Variants in PCDHGA4 observed in about 807,000 individuals in gnomAD.
PCDHGA4 encodes the protein protocadherin gamma subfamily A, 4.
Under a neutral mutation model 54.6 loss-of-function variants are expected in PCDHGA4, and 38 were observed. The observed-to-expected ratio is 0.70, with a 90% CI of 0.54 to 0.91. The LOEUF (loss-of-function observed/expected upper bound fraction) is 0.91, where lower values mean the gene tolerates loss of function less well. Among genes scored for constraint, PCDHGA4 ranks in the 40% least tolerant of loss-of-function variants. The pLI, the probability that PCDHGA4 is intolerant of heterozygous loss-of-function variation, is 0.00. For missense variants in PCDHGA4, 1,298 were observed against 1,220.9 expected, an observed-to-expected ratio of 1.06 and a Z score of -0.94; for synonymous variants, 511 against 512.9, an observed-to-expected ratio of 1.00 and a Z score of 0.05.
At chr5:141,394,532 T>A (rs1259695027) in intron 1 of PCDHGA4, 3 of 1,614,070 alleles carry the variant, frequency 1.9e-6, no homozygotes, top group African/African-American at 2.7e-5. Flanking sequence ...ACGGTTCCAC[T>A]GGCGTGGAGC....
chr5:141,385,984 T>C (rs75507773), intron 1 of PCDHGA4: 11 of 152,336 alleles, frequency 7.2e-5, no homozygotes, highest in African/African-American at 1.7e-4. Context: ...CAATAAAATA[T>C]GTCAAATAAA....
At chr5:141,386,520 G>A (rs976508801) in intron 1 of PCDHGA4, among the ~76,000 whole-genome samples, 1 of 144 alleles carries the variant, frequency 6.9e-3, no homozygotes, top group South Asian at 0.5. Context: ...TTCAAAAAAA[G>A]ACTCTTTTTA....
At chr5:141,416,761 C>G (rs1371541017) in intron 1 of PCDHGA4, 2 of 152,140 alleles carry the variant, frequency 1.3e-5, no homozygotes, top group Non-Finnish European at 2.9e-5. Context: ...AGGTAGATCT[C>G]TTAATTTTAT....
At chr5:141,415,740 G>GTTTTTTTTTTTTTTTTTTGTTTTTTTTT in intron 1 of PCDHGA4, 1 of 617,992 alleles carries the variant, frequency 1.6e-6, no homozygotes, top group Non-Finnish European at 2.1e-6. Flanking sequence ...GTTTATTAAG[G>GTTTTTTTTTTTTTTTTTTGTTTTTTTTT]TTTTTTTTTT....
chr5:141,435,254 G>C (rs1220755047), intron 1 of PCDHGA4, among the ~76,000 whole-genome samples: 1 of 152,018 alleles, frequency 6.6e-6, no homozygotes, highest in African/African-American at 2.4e-5. Flanking sequence ...GGCCATTAGG[G>C]ATATGTCCAT....
chr5:141,404,564 G>A, intron 1 of PCDHGA4: 1 of 1,613,890 alleles, frequency 6.2e-7, no homozygotes. Flanking sequence ...AAGTGACAGT[G>A]GAAGCCCACC....
rs373212603 is a variant in PCDHGA4 at position 141,355,640 on chromosome 5, A to C, written c.533A>C (p.Asn178Thr). The change falls in exon 1 of 4, where the codon AAT becomes ACT. Residue 178 changes from asparagine (N) to threonine (T), a missense_variant. Transcript: ENST00000571252. ...GAAATAAAAGTTGCTGAAAATGAAA[A>C]TCCTGGGGCAAGATTTCCTCTTCCT... is the stretch of plus-strand genomic sequence containing the variant. ...QREIKVAENE[N>T]PGARFPLPEA... 24 of 1,613,870 alleles carry C rather than the reference A, an allele frequency of 1.5e-5. No homozygotes were observed. The highest frequency in any genetic ancestry group is 2.0e-5 in the Non-Finnish European group (24 of 1,179,896).
intron 1 of PCDHGA4, chr5:141,370,538 G>C: frequency 6.2e-7 from 1 of 1,613,906 alleles, no homozygotes; most frequent in Non-Finnish European, 8.5e-7. Flanking sequence ...CGCTGGTAGG[G>C]AACCTCGCCA....
rs554670088 is a variant in PCDHGA4 at position 141,391,069 on chromosome 5, T to C, written c.2514+33448T>C. The C allele has an allele frequency of 4.1e-4, 63 of 152,324 alleles. 1 individual carries two copies. Among genetic ancestry groups the C allele is most frequent in the African/African-American group, 1.4e-3 (59 of 41,576 alleles). The allele number at this position is 152,324 out of a possible 1,614,324, so 9.4% of individuals were successfully genotyped here. A position where few individuals can be genotyped will look rare whatever the true frequency, so the allele number is the denominator to read the frequency against. ...GTCCCTCTCACACACAGCCCTAATA[T>C]ATAATGTGTAACTGCCTTATCTGCA... On this transcript the variant is annotated intron_variant, in intron 1 of 3. Transcript: ENST00000571252.
intron 1 of PCDHGA4, chr5:141,408,023 A>G (rs2095028170): frequency 1.9e-6 from 2 of 1,054,662 alleles, no homozygotes; most frequent in Middle Eastern, 3.2e-4. Context: ...CCAACAACAG[A>G]AAGAAGAAAA....
At position 141,362,565 on chromosome 5, in the gene PCDHGA4, T is replaced by C. The variant is rs757616440; in HGVS notation, c.2514+4944T>C. The stretch of plus-strand genomic sequence containing the variant: ...CAGATACTATTTTGAAGGTGAGCTT[T>C]AATTAATTTATTTTCACTTCTGGTT... On this transcript the variant is annotated intron_variant, in intron 1 of 3. Transcript: ENST00000571252. 1.6e-5 allele frequency: 25 copies of C among 1,608,278 alleles called. No homozygotes were observed. In the African/African-American group the frequency reaches 3.2e-4, roughly 21 times the overall value.
Position 141,374,129 on chromosome 5 carries a change from C to T in PCDHGA4, c.2514+16508C>T. 4 of 1,603,566 alleles carry T rather than the reference C, an allele frequency of 2.5e-6. No individual in the cohort carries two copies. In the South Asian group the frequency reaches 4.4e-5, roughly 18 times the overall value. On this transcript the variant is annotated intron_variant, in intron 1 of 3. Transcript: ENST00000571252. ...TCCGCAGCGCAGCGAGCAGGTCCTG[C>T]TCCTCACGCTCCTGGGGACGCTGTG... is the stretch of plus-strand genomic sequence containing the variant.
rs138542775 is a variant in PCDHGA4, at chr5:141,491,313, C to T, written c.2515-3494C>T. ...ACCCTCCTGAGCGTTCAGACCTTAC[C>T]CTTTACCTCATTGTGGCTCTAGCGA... On this transcript the variant is annotated intron_variant, in intron 1 of 3. Transcript: ENST00000571252. This position sits in a 1 kb window ranked among gnomAD's most constrained non-coding sequence, Gnocchi z 6.9. 405 of 1,614,154 alleles carry T rather than the reference C, an allele frequency of 2.5e-4. 2 individuals are homozygous for T. In the African/African-American group the frequency reaches 4.5e-3, roughly 18 times the overall value.
chr5:141,465,759 A>G (rs2099108647), intron 1 of PCDHGA4, among the ~76,000 whole-genome samples: 2 of 151,280 alleles, frequency 1.3e-5, no homozygotes, highest in South Asian at 4.2e-4. Context: ...TGGTAAAGTC[A>G]TGTTTCATCT....
Position 141,494,872 on chromosome 5 carries a change from G to A in PCDHGA4, c.2573+7G>A. On this transcript the variant is annotated splice_region_variant and intron_variant, in intron 2 of 3. Transcript: ENST00000571252. ...AGAGACCCGGCACCAGCGGGTAGGT[G>A]ACTGATTCTCCAGCCCACCCTCTTC... 1 of 1,614,128 alleles carries A rather than the reference G, an allele frequency of 6.2e-7. No individual in the cohort carries two copies. Among genetic ancestry groups the A allele is most frequent in the South Asian group, 1.1e-5 (1 of 91,074 alleles).
chr5:141,373,195 T>C (rs1018941457), intron 1 of PCDHGA4, among the ~76,000 whole-genome samples: 1 of 152,262 alleles, frequency 6.6e-6, no homozygotes, highest in African/African-American at 2.4e-5. Context: ...ACATTATGTA[T>C]ATCTTAACAC....
intron 1 of PCDHGA4, chr5:141,415,325 C>G: frequency 6.2e-7 from 1 of 1,614,212 alleles, no homozygotes; most frequent in Non-Finnish European, 8.5e-7. Flanking sequence ...GTGCTGCTGG[C>G]GCACAGGCTG....
intron 1 of PCDHGA4, chr5:141,360,972 CTCCTT>C: frequency 6.2e-7 from 1 of 1,613,868 alleles, no homozygotes; most frequent in Non-Finnish European, 8.5e-7. Flanking sequence ...AGATCACCTA[CTCCTT>C]TCATAATGTG....
At position 141,392,616 on chromosome 5, in the gene PCDHGA4, G is replaced by A. The variant is rs912385052; in HGVS notation, c.2514+34995G>A. 8 of 535,918 alleles carry A rather than the reference G, an allele frequency of 1.5e-5. No individual in the cohort carries two copies. In the South Asian group the frequency reaches 2.7e-4, roughly 18 times the overall value. The allele number at this position is 535,918 out of a possible 1,614,324, so 33.2% of individuals were successfully genotyped here. ...CACCTACTGGAAGACAAATGCAACC[G>A]AAAACACTCAGATCTCACACCTCAC... On this transcript the variant is annotated intron_variant, in intron 1 of 3. Transcript: ENST00000571252.
Sources: gnomAD v4.1 joint callset for allele counts (sites outside exome capture counted in the v4.1 genomes callset) on GRCh38, gnomAD v4.1.1 for gene constraint, Gnocchi (gnomAD v3.1) non-coding constraint, MANE v1.5 for transcripts, NCBI Gene and HGNC (gene_info 2026-07-23, HGNC 2026-07-21) for gene names.